The following MAST1 variants were observed in gnomAD, a reference collection of about 807,000 sequenced individuals.
MAST1 encodes microtubule-associated serine/threonine-protein kinase 1.
MAST1 carries 40 observed loss-of-function variants against 124.6 expected under a neutral mutation model. That is an observed-to-expected ratio of 0.32 (90% CI 0.25 to 0.42). The LOEUF (loss-of-function observed/expected upper bound fraction) is 0.42. Ranked by LOEUF, MAST1 falls within the 10% of genes least tolerant of loss-of-function variation. MAST1 has a pLI of 1.00. For synonymous variants in MAST1, 938 were observed against 939.4 expected (o/e 1.00, Z 0.03); for missense variants, 1,558 against 2,181.9 (o/e 0.71, Z 5.70).
rs1002512167 is a variant in MAST1, at chr19:12,841,839, C to A, written c.248+773C>A. Among the ~76,000 whole-genome samples the A allele has an allele frequency of 6.6e-6, 1 of 152,142 alleles. No individual in the cohort carries two copies. Among genetic ancestry groups the A allele is most frequent in the African/African-American group, 2.4e-5 (1 of 41,422 alleles). On this transcript the variant is annotated intron_variant, in intron 3 of 25. Transcript: ENST00000251472. This position sits in a 1 kb window ranked among gnomAD's most constrained non-coding sequence, Gnocchi z 4.3. ...CAAAGGAGACTGTGAAGACAGACAG[C>A]TCCCTTGGGAAAGTGGGGGAACCGC...
chr19:12,871,977 G>A (rs1243436184), intron 24 of MAST1, among the ~76,000 whole-genome samples: 2 of 151,338 alleles, frequency 1.3e-5, no homozygotes, highest in Non-Finnish European at 2.9e-5. Flanking sequence ...AATGGAAGCT[G>A]TGCCAAATTT....
chr19:12,838,771 G>A lies in MAST1; in HGVS notation c.83+116G>A. The A allele has an allele frequency of 1.1e-6, 1 of 894,316 alleles. No homozygotes were observed. The highest frequency in any genetic ancestry group is 1.6e-6 in the Non-Finnish European group (1 of 615,130). 55.4% of individuals were successfully genotyped at this position (894,316 alleles called of 1,614,324 possible). A position where few individuals can be genotyped will look rare whatever the true frequency, so the allele number is the denominator to read the frequency against. Reference sequence around the variant, plus strand: ...CGCCCGGTCCAGCTGCGCCAGAGGTGCCCCAGCTGCGCCTTCCCGCCGGGG... The same window carrying A: ...CGCCCGGTCCAGCTGCGCCAGAGGTACCCCAGCTGCGCCTTCCCGCCGGGG... On this transcript the variant is annotated intron_variant, in intron 1 of 25. Transcript: ENST00000251472. The surrounding 1 kb of genome is among the most constrained non-coding windows in gnomAD (Gnocchi z 4.3).
chr19:12,859,065 T>G, intron 12 of MAST1: 1 of 412,632 alleles, frequency 2.4e-6, no homozygotes, highest in African/African-American at 2.0e-5. Flanking sequence ...ATTTATTTAT[T>G]TATTTATTCA....
intron 12 of MAST1, among the ~76,000 whole-genome samples, chr19:12,862,787 C>CTTCTTGAG (rs1178634538): frequency 1.3e-5 from 2 of 151,714 alleles, no homozygotes; most frequent in Non-Finnish European, 2.9e-5. Flanking sequence ...CCTGCCTCAG[C>CTTCTTGAG]TTCTTGAGTA....
intron 7 of MAST1, among the ~76,000 whole-genome samples, chr19:12,849,315 T>C (rs1227555358): frequency 6.6e-6 from 1 of 152,042 alleles, no homozygotes; most frequent in Non-Finnish European, 1.5e-5. Flanking sequence ...TTGCTTGAGG[T>C]CAGGAGCTTG....
chr19:12,842,979 AGT>A (rs1206876328), intron 3 of MAST1, among the ~76,000 whole-genome samples: 1 of 151,892 alleles, frequency 6.6e-6, no homozygotes, highest in East Asian at 1.9e-4. Flanking sequence ...GTCATGTGTG[AGT>A]GTGTGTCTTC....
At chr19:12,845,652 ATTTT>A (rs1219927144) in intron 4 of MAST1, among the ~76,000 whole-genome samples, 2 of 130,288 alleles carry the variant, frequency 1.5e-5, no homozygotes, top group Non-Finnish European at 3.2e-5. Flanking sequence ...TGACCCAGCA[ATTTT>A]TTTTTTTTTT....
chr19:12,867,814 G>A lies in MAST1; in HGVS notation c.2403G>A (p.Leu801=). The A allele has an allele frequency of 6.3e-7, 1 of 1,586,830 alleles. No homozygotes were observed. The highest frequency in any genetic ancestry group is 2.3e-5 in the East Asian group (1 of 43,174). Residue 801 remains leucine (L), a synonymous_variant, in exon 20 of 26, where the codon CTG becomes CTA. Coordinates refer to ENST00000251472, the MANE Select transcript of MAST1 (RefSeq NM_014975.3). ...PLGARRRFSA[L]LEPSRFSAPQ... ...GCGCCCGCCGCCGTTTCTCGGCGCT[G>A]CTGGAGCCCAGCCGCTTCAGCGCCC... is the stretch of plus-strand genomic sequence containing the variant.
At chr19:12,873,208 T>A in intron 24 of MAST1, 116 bp from the exon 25 acceptor site, 3 of 971,470 alleles carry the variant, frequency 3.1e-6, no homozygotes, top group Non-Finnish European at 4.6e-6. Flanking sequence ...GGGTTGTAGC[T>A]GGAGAGGGAA....
chr19:12,842,368 C>T (rs891474290), intron 3 of MAST1, among the ~76,000 whole-genome samples: 5 of 151,932 alleles, frequency 3.3e-5, no homozygotes, highest in African/African-American at 1.2e-4. Flanking sequence ...TCTCGGCTCA[C>T]TGCAATTTCC....
intron 3 of MAST1, among the ~76,000 whole-genome samples, chr19:12,842,128 T>A (rs1319952302): frequency 6.6e-6 from 1 of 152,134 alleles, no homozygotes; most frequent in East Asian, 1.9e-4. Context: ...CGTGTGAACA[T>A]GTGTCTGTAG....
chr19:12,842,739 G>A (rs1219638307), intron 3 of MAST1, among the ~76,000 whole-genome samples: 1 of 152,204 alleles, frequency 6.6e-6, no homozygotes, highest in Admixed American at 6.5e-5. Flanking sequence ...AAGTTTCAAT[G>A]TGTGGTAGTG....
Position 12,866,734 on chromosome 19 carries a change from T to G in MAST1, c.2111T>G (p.Phe704Cys), listed in dbSNP as rs1291126819. The change falls in exon 18 of 26, where the codon TTC becomes TGC. Residue 704 changes from phenylalanine (F) to cysteine (C), a missense_variant. Physicochemically the swap from Phe to Cys is radical, Grantham distance 205. Transcript: ENST00000251472. This position sits in a 1 kb window ranked among gnomAD's most constrained non-coding sequence, Gnocchi z 5.2. ...TEEEPVEIRQ[F>C]SSCSPRFSKV... ...GAGGAGCCCGTGGAAATCCGCCAGT[T>G]CTCTTCCTGCTCTCCGCGCTTCAGC... 6.2e-7 allele frequency: 1 copy of G among 1,613,712 alleles called. No homozygotes were observed. The highest frequency in any genetic ancestry group is 8.5e-7 in the Non-Finnish European group (1 of 1,179,918).
intron 10 of MAST1, among the ~76,000 whole-genome samples, chr19:12,857,368 C>T (rs1234407817): frequency 6.6e-6 from 1 of 151,978 alleles, no homozygotes; most frequent in Non-Finnish European, 1.5e-5. Context: ...CTTGGCCTCC[C>T]AAAGTGCTGG....
In MAST1 at chr19:12,868,768, G is replaced by A; in HGVS notation, c.2692G>A (p.Val898Ile). The A allele has an allele frequency of 6.2e-7, 1 of 1,611,772 alleles. No individual in the cohort carries two copies. Among genetic ancestry groups the A allele is most frequent in the Admixed American group, 1.7e-5 (1 of 59,610 alleles). Reference protein sequence around the residue: ...RHQQMSGDVAVEKRPSRTGGK... With the variant: ...RHQQMSGDVAIEKRPSRTGGK... ...CCAGCAGATGTCAGGGGATGTGGCA[G>A]TAGAGAAGAGGCCTTCTCGAACTGG... is the stretch of plus-strand genomic sequence containing the variant. Residue 898 changes from valine to isoleucine, a missense_variant, in exon 21 of 26, where the codon GTA becomes ATA. Physicochemically the swap from Val to Ile is conservative, Grantham distance 29 (BLOSUM62 3). Around this residue, in one of 10 missense-constraint regions of MAST1, gnomAD observed 287 missense variants for 308.0 expected, o/e 0.93. Transcript: ENST00000251472.
chr19:12,841,183 G>C lies in MAST1; in HGVS notation c.248+117G>C, dbSNP rs1001472215. On this transcript the variant is annotated intron_variant, in intron 3 of 25. Coordinates refer to ENST00000251472, the MANE Select transcript of MAST1 (RefSeq NM_014975.3). The surrounding 1 kb of genome is among the most constrained non-coding windows in gnomAD (Gnocchi z 4.3). ...CGAGCTGGGGCCTGAGGGGACCAGC[G>C]AGTGCCCCAAGGTCTCAGCGGGAAG... 3.1e-6 allele frequency: 2 copies of C among 640,904 alleles called. No homozygotes were observed. The highest frequency in any genetic ancestry group is 3.7e-5 in the South Asian group (2 of 54,606). 39.7% of individuals were successfully genotyped at this position (640,904 alleles called of 1,614,324 possible). A position where few individuals can be genotyped will look rare whatever the true frequency, so the allele number is the denominator to read the frequency against.
At chr19:12,849,545 T>C (rs1337062735) in intron 7 of MAST1, among the ~76,000 whole-genome samples, 1 of 151,838 alleles carries the variant, frequency 6.6e-6, no homozygotes, top group East Asian at 2.0e-4. Flanking sequence ...GTGCCTGTAA[T>C]CCCAGCTACT....
At chr19:12,864,772 C>G in intron 12 of MAST1, 37 bp from the exon 13 acceptor site, 1 of 1,611,560 alleles carries the variant, frequency 6.2e-7, no homozygotes, top group South Asian at 1.1e-5. Flanking sequence ...GAGAGGAATG[C>G]CTCCCTTTTT....
chr19:12,858,607 C>T lies in MAST1; in HGVS notation c.1234C>T (p.Leu412Phe). Residue 412 changes from leucine (L) to phenylalanine (F), a missense_variant, in exon 12 of 26, where the codon CTC (leucine) becomes TTC (phenylalanine). Coordinates refer to ENST00000251472, the MANE Select transcript of MAST1 (RefSeq NM_014975.3). ...MKKINKQNLI[L>F]RNQIQQAFVE... Reference sequence around the variant, plus strand: ...AAAGATCAACAAGCAGAACTTGATCCTCCGCAACCAGATCCAGCAGGCCTT... The same window carrying T: ...AAAGATCAACAAGCAGAACTTGATCTTCCGCAACCAGATCCAGCAGGCCTT... 1.2e-6 allele frequency: 2 copies of T among 1,614,260 alleles called. No homozygotes were observed. The highest frequency in any genetic ancestry group is 1.7e-6 in the Non-Finnish European group (2 of 1,180,036).
Sources: allele counts gnomAD v4.1 joint callset (sites outside exome capture counted in the v4.1 genomes callset), GRCh38; gene constraint gnomAD v4.1.1; regional missense constraint gnomAD v4.1.1; non-coding constraint Gnocchi (gnomAD v3.1); transcripts MANE v1.5; gene names NCBI Gene and HGNC (gene_info 2026-07-23, HGNC 2026-07-21).